PDCD10: variants seen among roughly 807,000 people sequenced by gnomAD.
PDCD10 encodes programmed cell death 10, also known as programmed cell death protein 10.
PDCD10 carries 4 observed loss-of-function variants against 29.2 expected under a neutral mutation model. That is an observed-to-expected ratio of 0.14 (90% confidence interval 0.07 to 0.31). The LOEUF is 0.31. Ranked by LOEUF, PDCD10 falls within the 10% of genes least tolerant of loss-of-function variation. PDCD10 has a pLI of 1.00. For synonymous variants in PDCD10, 70 were observed against 82.2 expected (o/e 0.85, Z 0.80); for missense variants, 183 against 257.9 (o/e 0.71, Z 1.99).
chr3:167,701,017 GT>G (rs1721360765), intron 4 of PDCD10, among the ~76,000 whole-genome samples: 1 of 152,126 alleles, frequency 6.6e-6, no homozygotes, highest in African/African-American at 2.4e-5. Context: ...TGCAAATGAA[GT>G]CTGGTTTATG....
chr3:167,710,005 G>C (rs936044192), intron 3 of PDCD10, among the ~76,000 whole-genome samples: 2 of 152,138 alleles, frequency 1.3e-5, no homozygotes, highest in African/African-American at 4.8e-5. Context: ...TCACTGCCCT[G>C]AAGGGAAGGA....
intron 2 of PDCD10, among the ~76,000 whole-genome samples, chr3:167,728,551 T>A (rs1220378435): frequency 6.6e-6 from 1 of 152,198 alleles, no homozygotes; most frequent in African/African-American, 2.4e-5. Context: ...GAAACAATCA[T>A]TTATTTTTCT....
intron 3 of PDCD10, among the ~76,000 whole-genome samples, chr3:167,710,559 T>C (rs925222953): frequency 9.9e-5 from 15 of 152,226 alleles, no homozygotes; most frequent in African/African-American, 3.1e-4. Flanking sequence ...GGTAGATTTC[T>C]AAGGTTTTTG....
chr3:167,699,441 T>G (rs545570126), intron 4 of PDCD10, among the ~76,000 whole-genome samples: 1 of 152,326 alleles, frequency 6.6e-6, no homozygotes, highest in Non-Finnish European at 1.5e-5. Flanking sequence ...GTACATAGTT[T>G]GGAAGGAGTA....
intron 3 of PDCD10, among the ~76,000 whole-genome samples, chr3:167,717,731 C>T (rs1723160029): frequency 6.6e-6 from 1 of 151,986 alleles, no homozygotes; most frequent in Admixed American, 6.6e-5. Flanking sequence ...AAAGAGGAAA[C>T]CCTAATAAGT....
intron 6 of PDCD10, among the ~76,000 whole-genome samples, chr3:167,687,941 A>C (rs1350530565): frequency 6.6e-6 from 1 of 152,182 alleles, no homozygotes; most frequent in African/African-American, 2.4e-5. Flanking sequence ...TTGCCAACCA[A>C]GACCAACTTT....
intron 3 of PDCD10, among the ~76,000 whole-genome samples, chr3:167,718,282 C>T (rs1386326535): frequency 1.3e-5 from 2 of 152,038 alleles, no homozygotes; most frequent in East Asian, 1.9e-4. Context: ...CACCTCTAGA[C>T]CCTAACAGAA....
At chr3:167,688,177 A>C (rs1719832883) in intron 6 of PDCD10, among the ~76,000 whole-genome samples, 1 of 152,162 alleles carries the variant, frequency 6.6e-6, no homozygotes, top group Admixed American at 6.5e-5. Flanking sequence ...TGTATGCTAG[A>C]TACCTATTAG....
chr3:167,710,272 C>T (rs1722401726), intron 3 of PDCD10, among the ~76,000 whole-genome samples: 1 of 152,104 alleles, frequency 6.6e-6, no homozygotes, highest in Non-Finnish European at 1.5e-5. Flanking sequence ...TCCCCGAGTC[C>T]AGGCCTAGGC....
chr3:167,728,293 C>A (rs900089152), intron 2 of PDCD10, among the ~76,000 whole-genome samples: 2 of 151,476 alleles, frequency 1.3e-5, no homozygotes, highest in African/African-American at 4.8e-5. Flanking sequence ...AGCCTAGCAA[C>A]AATCTAAACT....
At chr3:167,712,448 G>A (rs536223700) in intron 3 of PDCD10, among the ~76,000 whole-genome samples, 9 of 151,296 alleles carry the variant, frequency 5.9e-5, no homozygotes, top group Admixed American at 2.0e-4. Flanking sequence ...TGATAACCTC[G>A]AAACAAAAAA....
intron 4 of PDCD10, among the ~76,000 whole-genome samples, chr3:167,703,662 T>A (rs1038382775): frequency 6.6e-6 from 1 of 152,160 alleles, no homozygotes; most frequent in Non-Finnish European, 1.5e-5. Flanking sequence ...TTGGGCACCA[T>A]AATATATATT....
In PDCD10 at chr3:167,725,761, GTTTATATATATATATATA is replaced by G. The variant is rs1488087853; in HGVS notation, c.-116-5506_-116-5489del. Among the ~76,000 whole-genome samples the G allele has an allele frequency of 1.1e-3, 59 of 54,720 alleles. No individual in the cohort carries two copies. In the East Asian group the frequency reaches 0.024, roughly 22 times the overall value. 35.9% of individuals were successfully genotyped at this position (54,720 alleles called of 152,430 possible). A position where few individuals can be genotyped will look rare whatever the true frequency, so the allele number is the denominator to read the frequency against. On this transcript the variant is annotated intron_variant, in intron 2 of 8. Coordinates refer to ENST00000392750, the MANE Select transcript of PDCD10 (RefSeq NM_007217.4). The stretch of plus-strand genomic sequence containing the variant: ...GTATATAGCACTTTACCATTGTATC[GTTTATATATATATATATA>G]TATATATATATATATATATATATAT...
chr3:167,693,647 T>C (rs1331401837), intron 6 of PDCD10, among the ~76,000 whole-genome samples: 4 of 151,132 alleles, frequency 2.6e-5, no homozygotes, highest in South Asian at 2.1e-4. Flanking sequence ...ACATGAAGAG[T>C]AGAAGTAATT....
chr3:167,708,752 G>T (rs1722246959), intron 3 of PDCD10, among the ~76,000 whole-genome samples: 1 of 152,044 alleles, frequency 6.6e-6, no homozygotes, highest in South Asian at 2.1e-4. Context: ...AAGCTGTCTG[G>T]CAAAAAAGGT....
At position 167,695,664 on chromosome 3, in the gene PDCD10, T is replaced by C; in HGVS notation, c.327A>G (p.Ala109=). The part of the protein sequence containing the change: ...EFQDLNEKAR[A]LKQILSKIPD... ...GGATCTTACTGAGAATTTGTTTAAG[T>C]GCTCGTGCCTTTTCGTTTAGGTCTT... Residue 109 remains alanine (A), a synonymous_variant, in exon 6 of 9, where the codon GCA becomes GCG. Coordinates refer to ENST00000392750, the MANE Select transcript of PDCD10 (RefSeq NM_007217.4). 1 of 1,613,238 alleles carries C rather than the reference T, an allele frequency of 6.2e-7. No homozygotes were observed. The highest frequency in any genetic ancestry group is 8.5e-7 in the Non-Finnish European group (1 of 1,179,168).
At chr3:167,728,083 T>C (rs1257281917) in intron 2 of PDCD10, among the ~76,000 whole-genome samples, 3 of 152,214 alleles carry the variant, frequency 2.0e-5, no homozygotes, top group Non-Finnish European at 4.4e-5. Flanking sequence ...CTGTTCCTCC[T>C]GTAACCTTCA....
intron 5 of PDCD10, 28 bp from the exon 6 acceptor site, chr3:167,695,750 C>A (rs1720737134): frequency 1.9e-6 from 3 of 1,608,748 alleles, no homozygotes; most frequent in Non-Finnish European, 2.6e-6. Flanking sequence ...TAATAAAAAA[C>A]ATCCTGCGAC....
In PDCD10 at chr3:167,684,282, A is replaced by G; in HGVS notation, c.*26T>C. 1 of 1,291,024 alleles carries G rather than the reference A, an allele frequency of 7.7e-7. No individual in the cohort carries two copies. The highest frequency in any genetic ancestry group is 1.7e-5 in the Admixed American group (1 of 59,596). 80.0% of individuals were successfully genotyped at this position (1,291,024 alleles called of 1,614,324 possible). ...AGGCAGTTCAATACTGCCACTGAGA[A>G]GTACATCTCTTAACATATACAACTT... On this transcript the variant is annotated 3_prime_UTR_variant, in exon 9 of 9. Coordinates refer to ENST00000392750, the MANE Select transcript of PDCD10 (RefSeq NM_007217.4).
Sources: allele counts gnomAD v4.1 joint callset (sites outside exome capture counted in the v4.1 genomes callset), GRCh38; gene constraint gnomAD v4.1.1; transcripts MANE v1.5; gene names NCBI Gene and HGNC (gene_info 2026-07-23, HGNC 2026-07-21).